The following SLC38A4 variants were observed in gnomAD, a reference collection of about 807,000 sequenced individuals.
The protein encoded by SLC38A4 is solute carrier family 38 member 4.
A neutral mutation model predicts 63.1 loss-of-function variants in SLC38A4; 20 were observed. The ratio of observed to expected loss-of-function variants is 0.32; its 90% CI spans 0.22 to 0.46. The LOEUF is 0.46. Ranked by LOEUF, SLC38A4 falls within the 20% of genes least tolerant of loss-of-function variation. The pLI is 1.00. For missense variants in SLC38A4, 526 were observed against 663.6 expected (o/e 0.79, Z 2.28); for synonymous variants, 230 against 225.5 (o/e 1.02, Z -0.18).
intron 3 of SLC38A4, among the ~76,000 whole-genome samples, chr12:46,791,566 G>C (rs143291145): frequency 1.3e-5 from 2 of 152,106 alleles, no homozygotes; most frequent in Non-Finnish European, 2.9e-5. Flanking sequence ...TCTATTTCAC[G>C]CCTAGATTTG....
intron 7 of SLC38A4, among the ~76,000 whole-genome samples, chr12:46,781,779 C>T (rs572333844): frequency 6.6e-5 from 10 of 152,024 alleles, no homozygotes; most frequent in Non-Finnish European, 1.0e-4. Flanking sequence ...TGTTTAGAAG[C>T]GTAGTAGTGG....
Position 46,767,674 on chromosome 12 carries a change from G to A in SLC38A4, c.1542+636C>T, listed in dbSNP as rs148843231. Among the ~76,000 whole-genome samples the A allele has an allele frequency of 5.6e-4, 85 of 152,172 alleles. 1 individual carries two copies. The highest frequency in any genetic ancestry group is 3.1e-3 in the South Asian group (15 of 4,828). On this transcript the variant is annotated intron_variant, in intron 16 of 16. Transcript: ENST00000266579. ...ATTCAGTAAGAAATATTCTTTTCAA[G>A]CCTTAACATGACTTTATTAAGGAGT...
At chr12:46,802,028 A>G (rs1939141273) in intron 2 of SLC38A4, among the ~76,000 whole-genome samples, 1 of 152,098 alleles carries the variant, frequency 6.6e-6, no homozygotes, top group African/African-American at 2.4e-5. Context: ...TAAATAACCA[A>G]ATACTAAGGT....
chr12:46,827,522 G>T (rs1416907368), upstream of SLC38A4, among the ~76,000 whole-genome samples: 5 of 152,216 alleles, frequency 3.3e-5, no homozygotes, highest in East Asian at 9.6e-4. Context: ...AAAGATAAAA[G>T]GATAGCATTT....
At chr12:46,784,970 G>C (rs1938727838) in intron 6 of SLC38A4, 134 bp downstream of exon 6, 2 of 817,502 alleles carry the variant, frequency 2.4e-6, no homozygotes, top group African/African-American at 1.7e-5. Flanking sequence ...AACACTGAGA[G>C]ATCGTGTCAC....
At chr12:46,812,959 T>G (rs1180150166) in intron 1 of SLC38A4, among the ~76,000 whole-genome samples, 5 of 152,038 alleles carry the variant, frequency 3.3e-5, no homozygotes, top group Non-Finnish European at 2.9e-5. Context: ...GAGCTGTCTT[T>G]AGTATTTTTT....
intron 5 of SLC38A4, among the ~76,000 whole-genome samples, chr12:46,786,757 A>G (rs1000333634): frequency 1.3e-5 from 2 of 152,190 alleles, no homozygotes; most frequent in African/African-American, 4.8e-5. Context: ...TACATAAAAG[A>G]GTTCAATCAA....
intron 14 of SLC38A4, among the ~76,000 whole-genome samples, chr12:46,771,753 G>A (rs1938421092): frequency 6.6e-6 from 1 of 152,084 alleles, no homozygotes; most frequent in African/African-American, 2.4e-5. Flanking sequence ...GTGCCTCCCT[G>A]AGTAGTGAGC....
intron 2 of SLC38A4, among the ~76,000 whole-genome samples, chr12:46,799,086 C>T (rs375366161): frequency 3.0e-4 from 46 of 152,200 alleles, no homozygotes; most frequent in African/African-American, 1.1e-3. Flanking sequence ...CTATAGTAGG[C>T]CTTCAATAAA....
intron 1 of SLC38A4, among the ~76,000 whole-genome samples, chr12:46,813,393 G>A (rs553926722): frequency 9.2e-5 from 14 of 151,952 alleles, no homozygotes; most frequent in Non-Finnish European, 1.3e-4. Context: ...CTGTAAATCC[G>A]AACTCTTTTT....
intron 2 of SLC38A4, 95 bp from the exon 3 acceptor site, chr12:46,793,278 G>T: frequency 2.8e-6 from 1 of 353,398 alleles, no homozygotes; most frequent in African/African-American, 2.1e-5. Flanking sequence ...CTGTAAAAGG[G>T]AGGAAGGAAA....
chr12:46,768,200 T>G, intron 16 of SLC38A4, 110 bp downstream of exon 16: 1 of 766,908 alleles, frequency 1.3e-6, no homozygotes, highest in Non-Finnish European at 2.0e-6. Context: ...CAGTTTTGAT[T>G]TTTGGTTCTT....
chr12:46,799,978 A>AAGG (rs1939096315), intron 2 of SLC38A4, among the ~76,000 whole-genome samples: 1 of 152,182 alleles, frequency 6.6e-6, no homozygotes, highest in Non-Finnish European at 1.5e-5. Context: ...TCTTGGAATA[A>AAGG]ATGTGCATTG....
In SLC38A4 at chr12:46,819,429, G is replaced by A. The variant is rs189544094; in HGVS notation, c.-305+6474C>T. 6.8e-3 allele frequency among the ~76,000 whole-genome samples: 1,036 copies of A among 151,694 alleles called. 15 individuals are homozygous for A. Among genetic ancestry groups the A allele is most frequent in the African/African-American group, 0.024 (994 of 41,428 alleles). ...TTTGATCATTACACATTATATATAT[G>A]TATCAATATATCATTCTGTACCAAT... On this transcript the variant is annotated intron_variant, in intron 1 of 16. Coordinates refer to ENST00000266579, the MANE Select transcript of SLC38A4 (RefSeq NM_018018.5).
chr12:46,787,271 C>A (rs901504509), intron 5 of SLC38A4, among the ~76,000 whole-genome samples: 2 of 152,168 alleles, frequency 1.3e-5, no homozygotes, highest in Non-Finnish European at 2.9e-5. Flanking sequence ...GCTTATAGTC[C>A]AGCAAGAGGG....
chr12:46,806,798 C>T (rs1429559242), intron 1 of SLC38A4, among the ~76,000 whole-genome samples: 2 of 151,906 alleles, frequency 1.3e-5, no homozygotes, highest in Admixed American at 6.6e-5. Context: ...TTAGAATGTA[C>T]ATCCCAATGT....
chr12:46,771,904 G>T (rs1938423606), intron 14 of SLC38A4, among the ~76,000 whole-genome samples: 1 of 152,018 alleles, frequency 6.6e-6, no homozygotes, highest in Non-Finnish European at 1.5e-5. Context: ...ACCTGGAAAT[G>T]TGGGTCAGAT....
chr12:46,770,199 T>A (rs1938388895), intron 14 of SLC38A4, among the ~76,000 whole-genome samples: 3 of 152,168 alleles, frequency 2.0e-5, no homozygotes, highest in South Asian at 4.1e-4. Flanking sequence ...GATGAGACAT[T>A]AAGGGCAAGC....
At chr12:46,808,893 G>T (rs1311943058) in intron 1 of SLC38A4, among the ~76,000 whole-genome samples, 9 of 152,024 alleles carry the variant, frequency 5.9e-5, no homozygotes, top group Non-Finnish European at 4.4e-5. Context: ...GACTCACCTT[G>T]TTAACGTAAG....
Sources: allele counts gnomAD v4.1 joint callset (sites outside exome capture counted in the v4.1 genomes callset), GRCh38; gene constraint gnomAD v4.1.1; transcripts MANE v1.5; gene names NCBI Gene and HGNC (gene_info 2026-07-23, HGNC 2026-07-21).